The following TAFA2 variants were observed in gnomAD, a reference collection of about 807,000 sequenced individuals.
TAFA2 encodes TAFA chemokine like family member 2.
TAFA2 carries 7 observed loss-of-function variants against 18.8 expected under a neutral mutation model. The observed-to-expected ratio is 0.37, with a 90% CI of 0.21 to 0.70. The LOEUF (loss-of-function observed/expected upper bound fraction) is 0.70, where lower values mean the gene tolerates loss of function less well. TAFA2 is among the 30% of genes least tolerant of loss of function. The probability of loss-of-function intolerance (pLI) is 0.53; values close to 1 mark genes in which losing one functional copy is unlikely to be tolerated. For synonymous variants in TAFA2, 60 were observed against 54.2 expected, an observed-to-expected ratio of 1.11 and a Z score of -0.47; for missense variants, 122 against 158.1, an observed-to-expected ratio of 0.77 and a Z score of 1.23.
At chr12:62,007,227 A>G (rs2136707894) in intron 1 of TAFA2, among the ~76,000 whole-genome samples, 1 of 152,316 alleles carries the variant, frequency 6.6e-6, no homozygotes, top group African/African-American at 2.4e-5. Flanking sequence ...CTTTACACAC[A>G]TAGACACACA....
chr12:61,825,639 C>T (rs1456632083), intron 2 of TAFA2, among the ~76,000 whole-genome samples: 1 of 151,916 alleles, frequency 6.6e-6, no homozygotes, highest in South Asian at 2.1e-4. Context: ...TGAATGACAA[C>T]CTAAGAAAAA....
intron 1 of TAFA2, among the ~76,000 whole-genome samples, chr12:61,960,710 C>A (rs187199069): frequency 6.6e-6 from 1 of 151,192 alleles, no homozygotes; most frequent in East Asian, 2.0e-4. Flanking sequence ...TTCAATAAAT[C>A]ATACTACCAT....
chr12:61,809,617 T>A (rs1163774824), intron 2 of TAFA2, among the ~76,000 whole-genome samples: 2 of 151,300 alleles, frequency 1.3e-5, no homozygotes, highest in South Asian at 2.1e-4. Flanking sequence ...TTTAGAGCAT[T>A]TTTAATTTAA....
In TAFA2 at chr12:62,002,124, G is replaced by T. The variant is rs532617257; in HGVS notation, c.-1-134698C>A. Among the ~76,000 whole-genome samples the T allele has an allele frequency of 5.3e-5, 8 of 152,174 alleles. No homozygotes were observed. The East Asian group carries it at 1.4e-3, about 26-fold the overall frequency. ...GACTGGTGATAATATGGTGGGGAAG[G>T]TCACTGCAATTAGGTCCTGTAGTGG... On this transcript the variant is annotated intron_variant, in intron 1 of 4. Coordinates refer to ENST00000416284, the MANE Select transcript of TAFA2 (RefSeq NM_178539.5).
At chr12:62,105,453 C>T (rs112873282) in intron 1 of TAFA2, among the ~76,000 whole-genome samples, 131 of 152,132 alleles carry the variant, frequency 8.6e-4, no homozygotes, top group African/African-American at 3.0e-3. Context: ...AATTTGCTCC[C>T]CTGTATGAGA....
intron 1 of TAFA2, among the ~76,000 whole-genome samples, chr12:62,247,417 T>C (rs965751603): frequency 6.6e-6 from 1 of 152,232 alleles, no homozygotes; most frequent in African/African-American, 2.4e-5. Flanking sequence ...TCAAAAACTA[T>C]TATCACCAAA....
chr12:61,822,807 T>C (rs1270065485), intron 2 of TAFA2, among the ~76,000 whole-genome samples: 1 of 152,182 alleles, frequency 6.6e-6, no homozygotes, highest in Non-Finnish European at 1.5e-5. Flanking sequence ...TAATATCACA[T>C]GTATCAATAT....
intron 2 of TAFA2, among the ~76,000 whole-genome samples, chr12:61,798,451 T>C (rs1249564989): frequency 1.3e-5 from 2 of 152,168 alleles, no homozygotes; most frequent in Non-Finnish European, 2.9e-5. Context: ...TTCAGTGGCA[T>C]TAAGTGCATT....
chr12:61,710,305 A>G lies in TAFA2; in HGVS notation c.*101T>C. On this transcript the variant is annotated 3_prime_UTR_variant, in exon 5 of 5. Transcript: ENST00000416284. ...AAATAGACTATTGAGCGCCTCTTTC[A>G]AGTGGTATAAAAATCTTCAAGATCA... is the stretch of plus-strand genomic sequence containing the variant. The G allele has an allele frequency of 9.2e-7, 1 of 1,086,096 alleles. No individual in the cohort carries two copies. Among genetic ancestry groups the G allele is most frequent in the Middle Eastern group, 2.0e-4 (1 of 4,924 alleles). The allele number at this position is 1,086,096 out of a possible 1,614,324, so 67.3% of individuals were successfully genotyped here. A position where few individuals can be genotyped will look rare whatever the true frequency, so the allele number is the denominator to read the frequency against.
chr12:61,735,587 C>T (rs898660114), intron 4 of TAFA2, among the ~76,000 whole-genome samples: 2 of 151,952 alleles, frequency 1.3e-5, no homozygotes, highest in African/African-American at 2.4e-5. Flanking sequence ...TGAGTTGCAG[C>T]TACCATTATT....
rs527660807 is a variant in TAFA2, at chr12:62,029,805, C to T, written c.-2+161454G>A. Among the ~76,000 whole-genome samples the T allele has an allele frequency of 3.1e-3, 388 of 124,078 alleles. 1 individual carries two copies. Among genetic ancestry groups the T allele is most frequent in the Non-Finnish European group, 5.4e-3 (318 of 58,450 alleles). 81.4% of individuals were successfully genotyped at this position (124,078 alleles called of 152,430 possible). ...CACACGGAAGAACCACATTAAATGT[C>T]TTCCTATCTCTCTCTCTCTCTCTCT... On this transcript the variant is annotated intron_variant, in intron 1 of 4. Coordinates refer to ENST00000416284, the MANE Select transcript of TAFA2 (RefSeq NM_178539.5).
At chr12:62,142,947 G>C (rs767268997) in intron 1 of TAFA2, among the ~76,000 whole-genome samples, 9 of 152,080 alleles carry the variant, frequency 5.9e-5, no homozygotes, top group Non-Finnish European at 2.9e-5. Flanking sequence ...ATTTTCCAGA[G>C]GAAAAAAGTG....
At chr12:62,125,949 T>C (rs1870439423) in intron 1 of TAFA2, among the ~76,000 whole-genome samples, 1 of 152,126 alleles carries the variant, frequency 6.6e-6, no homozygotes. Flanking sequence ...TGGCATATAA[T>C]AAGTGAATCT....
intron 2 of TAFA2, among the ~76,000 whole-genome samples, chr12:61,780,489 C>T (rs1870458185): frequency 6.6e-6 from 1 of 151,890 alleles, no homozygotes; most frequent in East Asian, 1.9e-4. Context: ...CTTGTAAATT[C>T]TTTATTTGCC....
At chr12:62,212,315 T>C (rs529413629) in intron 1 of TAFA2, among the ~76,000 whole-genome samples, 2 of 152,250 alleles carry the variant, frequency 1.3e-5, no homozygotes, top group East Asian at 3.9e-4. Flanking sequence ...TTCAACAACC[T>C]CTCCAAGAAT....
chr12:62,151,486 G>T (rs1224501327), intron 1 of TAFA2, among the ~76,000 whole-genome samples: 2 of 152,232 alleles, frequency 1.3e-5, no homozygotes, highest in Non-Finnish European at 2.9e-5. Flanking sequence ...TGCCCGGAAT[G>T]ACAATATATA....
At chr12:62,140,934 C>A (rs1439665544) in intron 1 of TAFA2, among the ~76,000 whole-genome samples, 1 of 152,110 alleles carries the variant, frequency 6.6e-6, no homozygotes, top group Non-Finnish European at 1.5e-5. Flanking sequence ...CTGGTAGACA[C>A]CAGGGAAGAA....
intron 1 of TAFA2, among the ~76,000 whole-genome samples, chr12:62,022,611 G>A (rs996834140): frequency 6.6e-6 from 1 of 152,094 alleles, no homozygotes; most frequent in Admixed American, 6.5e-5. Context: ...AATTCTTGTC[G>A]AACTGGGTAC....
At chr12:61,753,061 G>A (rs958577175) in intron 4 of TAFA2, among the ~76,000 whole-genome samples, 1 of 151,744 alleles carries the variant, frequency 6.6e-6, no homozygotes, top group African/African-American at 2.4e-5. Flanking sequence ...ATACATCAGT[G>A]TCTTAAGAAT....
Sources: gnomAD v4.1 joint callset for allele counts (sites outside exome capture counted in the v4.1 genomes callset) on GRCh38, gnomAD v4.1.1 for gene constraint, MANE v1.5 for transcripts, NCBI Gene and HGNC (gene_info 2026-07-23, HGNC 2026-07-21) for gene names.